KIAA1671: variants seen among roughly 807,000 people sequenced by gnomAD.
The protein encoded by KIAA1671 is uncharacterized protein KIAA1671.
In KIAA1671, 52 loss-of-function variants were observed where a neutral mutation model predicts 131.2. The ratio of observed to expected loss-of-function variants is 0.40; its 90% CI spans 0.32 to 0.50. The LOEUF is 0.50. Ranked by LOEUF, KIAA1671 falls within the 20% of genes least tolerant of loss-of-function variation. The pLI is 0.73. For synonymous variants in KIAA1671, 1,003 were observed against 961.6 expected (o/e 1.04, Z -0.80); for missense variants, 2,360 against 2,364.2 (o/e 1.00, Z 0.04).
chr22:24,962,015 C>A (rs569821330), intron 1 of KIAA1671, among the ~76,000 whole-genome samples: 1 of 152,274 alleles, frequency 6.6e-6, no homozygotes, highest in South Asian at 2.1e-4. Flanking sequence ...TCTTCTCTGG[C>A]GAGCTGCTGG....
chr22:25,092,901 C>A (rs769409917), intron 6 of KIAA1671, among the ~76,000 whole-genome samples: 1 of 152,100 alleles, frequency 6.6e-6, no homozygotes, highest in Non-Finnish European at 1.5e-5. Context: ...TGAGTGTGGC[C>A]CCTCGGCCCC....
chr22:25,157,830 T>A (rs370662267), intron 6 of KIAA1671, among the ~76,000 whole-genome samples: 1 of 152,054 alleles, frequency 6.6e-6, no homozygotes, highest in African/African-American at 2.4e-5. Context: ...TTTTTATTTT[T>A]TTTTTTATTC....
chr22:25,150,906 T>C (rs564766881), intron 6 of KIAA1671, among the ~76,000 whole-genome samples: 7 of 148,276 alleles, frequency 4.7e-5, no homozygotes, highest in East Asian at 4.0e-4. Flanking sequence ...AATCTCGGCT[T>C]ACTGCAAGCT....
chr22:25,040,580 GA>G lies in KIAA1671; in HGVS notation c.3452del (p.Asn1151ThrfsTer16). 6.4e-7 allele frequency: 1 copy of G among 1,551,774 alleles called. No individual in the cohort carries two copies. The highest frequency in any genetic ancestry group is 8.7e-7 in the Non-Finnish European group (1 of 1,147,026). On this transcript the variant is annotated frameshift_variant, in exon 5 of 13. Coordinates refer to ENST00000358431, the MANE Select transcript of KIAA1671 (RefSeq NM_001145206.2). LOFTEE classifies it high-confidence loss of function. ...CTCAAAGCAATTGGAAGGAAAGTGC[GA>G]ACAAGATGTCCCCCAGCGGCGGAGC... Reference protein sequence around the residue: ...RPQSNWKESANKMSPSGGAPQ... With the variant: ...RPQSNWKESAXKMSPSGGAPQ...
chr22:24,961,886 G>C (rs529913066), intron 1 of KIAA1671, among the ~76,000 whole-genome samples: 3 of 152,194 alleles, frequency 2.0e-5, no homozygotes, highest in Non-Finnish European at 4.4e-5. Flanking sequence ...ATTTGTGTGG[G>C]ACAAGTGGTC....
At position 25,181,810 on chromosome 22, in the gene KIAA1671, C is replaced by T. The variant is rs571191711; in HGVS notation, c.5186C>T (p.Pro1729Leu). Residue 1729 changes from proline to leucine, a missense_variant, in exon 10 of 13, where the codon CCG becomes CTG. Transcript: ENST00000358431. ...ATGCCTGCGTTTCCAGGCATGGATC[C>T]GGCAGTGCTAAAGGTACCAGACCTC... ...QRMPAFPGMD[P>L]AVLKAQLHKR... 18 of 1,551,528 alleles carry T rather than the reference C, an allele frequency of 1.2e-5. No homozygotes were observed. Among genetic ancestry groups the T allele is most frequent in the South Asian group, 7.1e-5 (6 of 84,046 alleles).
chr22:25,173,300 C>T (rs891395177), intron 7 of KIAA1671, among the ~76,000 whole-genome samples: 17 of 152,054 alleles, frequency 1.1e-4, no homozygotes, highest in African/African-American at 4.1e-4. Flanking sequence ...TGTCACCAAC[C>T]CTAACTTGTA....
At chr22:25,184,853 G>T in intron 10 of KIAA1671, 124 bp from the exon 11 acceptor site, 2 of 1,049,752 alleles carry the variant, frequency 1.9e-6, no homozygotes, top group Admixed American at 4.1e-5. Context: ...TCCTGTCTGG[G>T]TTTATTCCGA....
intron 6 of KIAA1671, among the ~76,000 whole-genome samples, chr22:25,067,346 G>A (rs1235633176): frequency 1.3e-5 from 2 of 151,854 alleles, no homozygotes; most frequent in South Asian, 2.1e-4. Context: ...CTTTCTCCCC[G>A]GCTGTTCCTG....
intron 1 of KIAA1671, among the ~76,000 whole-genome samples, chr22:25,003,237 C>T (rs757579157): frequency 2.0e-5 from 3 of 152,076 alleles, no homozygotes; most frequent in Admixed American, 6.6e-5. Context: ...TACCTGCCTC[C>T]GAGGTTGCTG....
Position 25,194,418 on chromosome 22 carries a change from G to C in KIAA1671, c.*2017G>C, listed in dbSNP as rs1411625539. The C allele has an allele frequency of 6.6e-6, 1 of 152,080 alleles. No homozygotes were observed. The highest frequency in any genetic ancestry group is 1.5e-5 in the Non-Finnish European group (1 of 68,038). 9.4% of individuals were successfully genotyped at this position (152,080 alleles called of 1,614,324 possible). A position where few individuals can be genotyped will look rare whatever the true frequency, so the allele number is the denominator to read the frequency against. ...CTTTTGATCCTGACTTCTTATCTGG[G>C]CTGCTGTCTCTCTTTCCTTCAGGTG... On this transcript the variant is annotated 3_prime_UTR_variant, in exon 13 of 13. Transcript: ENST00000358431.
intron 1 of KIAA1671, among the ~76,000 whole-genome samples, chr22:24,998,125 G>T (rs997122069): frequency 2.0e-5 from 3 of 152,164 alleles, no homozygotes; most frequent in Non-Finnish European, 4.4e-5. Context: ...TTTAGGCCAG[G>T]TGTGGCAATA....
chr22:25,097,203 A>G (rs1292638190), intron 6 of KIAA1671, among the ~76,000 whole-genome samples: 14 of 152,204 alleles, frequency 9.2e-5, no homozygotes, highest in Admixed American at 9.2e-4. Flanking sequence ...ACCCTGTCAA[A>G]GTATTTGTAG....
Position 25,193,124 on chromosome 22 carries a change from A to G in KIAA1671, c.*723A>G, listed in dbSNP as rs1934721891. ...TAATTTTCTTTGAAACTTGATAGGT[A>G]TATATGTGTTTACGTTAAAGGACAG... On this transcript the variant is annotated 3_prime_UTR_variant, in exon 13 of 13. Transcript: ENST00000358431. 2 of 152,212 alleles carry G rather than the reference A, an allele frequency of 1.3e-5. No homozygotes were observed. The highest frequency in any genetic ancestry group is 4.8e-5 in the African/African-American group (2 of 41,448). 9.4% of individuals were successfully genotyped at this position (152,212 alleles called of 1,614,324 possible). A position where few individuals can be genotyped will look rare whatever the true frequency, so the allele number is the denominator to read the frequency against.
rs139820135 is a variant in KIAA1671 at position 25,138,046 on chromosome 22, G to A, written c.4531-32774G>A. Among the ~76,000 whole-genome samples, 217 of 152,324 alleles carry A rather than the reference G, an allele frequency of 1.4e-3. 4 individuals carry two copies. Among genetic ancestry groups the A allele is most frequent in the Middle Eastern group, 3.4e-3 (1 of 294 alleles). ...TCTTGTGCTTGTCTAAAAATTGTTT[G>A]CCTCTGTATCTGTCAGGATCAGCTA... is the stretch of plus-strand genomic sequence containing the variant. On this transcript the variant is annotated intron_variant, in intron 6 of 12. Transcript: ENST00000358431.
At chr22:25,050,489 T>G (rs1476539713) in intron 6 of KIAA1671, 1 of 152,216 alleles carries the variant, frequency 6.6e-6, no homozygotes, top group Non-Finnish European at 1.5e-5. Flanking sequence ...TGGTCTCACG[T>G]TTTGGAGACA....
At chr22:25,015,234 A>C (rs1942310937) in intron 1 of KIAA1671, among the ~76,000 whole-genome samples, 1 of 151,386 alleles carries the variant, frequency 6.6e-6, no homozygotes, top group Non-Finnish European at 1.5e-5. Context: ...CCTTAAAAAA[A>C]AAAAAAAAAA....
At chr22:25,096,392 C>T (rs1181746680) in intron 6 of KIAA1671, among the ~76,000 whole-genome samples, 2 of 152,170 alleles carry the variant, frequency 1.3e-5, no homozygotes, top group African/African-American at 2.4e-5. Context: ...TGGTCTCACT[C>T]GTCCTCAGCT....
In KIAA1671 at chr22:25,035,029, G is replaced by A. The variant is rs899635290; in HGVS notation, c.1629+2333G>A. ...TGGGACTACAGGCATAAGCCACTGCGCCTGGCCTTTTTTTTTTTTTTTTTT... is the reference window on the plus strand; with the variant it reads ...TGGGACTACAGGCATAAGCCACTGCACCTGGCCTTTTTTTTTTTTTTTTTT... On this transcript the variant is annotated intron_variant, in intron 4 of 12. Coordinates refer to ENST00000358431, the MANE Select transcript of KIAA1671 (RefSeq NM_001145206.2). 4.8e-5 allele frequency among the ~76,000 whole-genome samples: 7 copies of A among 144,980 alleles called. No homozygotes were observed. The East Asian group carries it at 8.1e-4, about 17-fold the overall frequency.
Sources: gnomAD v4.1 joint callset for allele counts (sites outside exome capture counted in the v4.1 genomes callset) on GRCh38, gnomAD v4.1.1 for gene constraint, MANE v1.5 for transcripts, NCBI Gene and HGNC (gene_info 2026-07-23, HGNC 2026-07-21) for gene names.